The following LGSN variants were observed in gnomAD, a reference collection of about 807,000 sequenced individuals.
LGSN encodes lengsin, lens protein with glutamine synthetase domain.
In LGSN, 21 loss-of-function variants were observed where a neutral mutation model predicts 19.5. That is an observed-to-expected ratio of 1.07 (90% CI 0.76 to 1.55). LGSN has a LOEUF of 1.55. LGSN is among the 40% of genes most tolerant of loss of function. LGSN has a pLI of 0.00. For synonymous variants in LGSN, 257 were observed against 215.6 expected (o/e 1.19, Z -1.68); for missense variants, 673 against 608.5 (o/e 1.11, Z -1.12).
the LGSN span, among the ~76,000 whole-genome samples, chr6:63,362,372 G>T: frequency 6.6e-6 from 1 of 152,132 alleles, no homozygotes; most frequent in Non-Finnish European, 1.5e-5. Flanking sequence ...CAGACAGTGG[G>T]TGCAGCCCAC....
chr6:63,403,066 T>C, the LGSN span, among the ~76,000 whole-genome samples: 3 of 150,584 alleles, frequency 2.0e-5, no homozygotes, highest in Non-Finnish European at 4.4e-5. Context: ...TAAATTTATA[T>C]AGAGATAGAT....
chr6:63,495,145 AC>A, the LGSN span, among the ~76,000 whole-genome samples: 1 of 152,174 alleles, frequency 6.6e-6, no homozygotes, highest in Non-Finnish European at 1.5e-5. Context: ...TTTTTCACAT[AC>A]CAGAAGTTCT....
chr6:63,330,346 T>C, the LGSN span, among the ~76,000 whole-genome samples: 1 of 152,198 alleles, frequency 6.6e-6, no homozygotes, highest in East Asian at 1.9e-4. Context: ...ATCTCATTTT[T>C]CCTTTTGGGC....
At chr6:63,567,500 A>G in the LGSN span, among the ~76,000 whole-genome samples, 4 of 152,250 alleles carry the variant, frequency 2.6e-5, no homozygotes, top group African/African-American at 7.2e-5. Context: ...AGGTCTCAAC[A>G]GTGGACTTAA....
chr6:63,455,009 TCTTGAA>T, the LGSN span, among the ~76,000 whole-genome samples: 9 of 149,482 alleles, frequency 6.0e-5, no homozygotes, highest in South Asian at 1.7e-3. Flanking sequence ...GCCAGGCTGG[TCTTGAA>T]CTTGTGACCT....
At chr6:63,499,210 C>G in the LGSN span, among the ~76,000 whole-genome samples, 1 of 152,026 alleles carries the variant, frequency 6.6e-6, no homozygotes, top group Non-Finnish European at 1.5e-5. Context: ...AACACTCAAA[C>G]CTAATCATTT....
chr6:63,339,521 T>A, the LGSN span, among the ~76,000 whole-genome samples: 1 of 152,212 alleles, frequency 6.6e-6, no homozygotes, highest in Non-Finnish European at 1.5e-5. Context: ...TCCATTTGCA[T>A]GGAATATTCT....
At chr6:63,523,444 G>A in the LGSN span, among the ~76,000 whole-genome samples, 3 of 152,234 alleles carry the variant, frequency 2.0e-5, no homozygotes, top group South Asian at 6.2e-4. Context: ...TTGAACCCGG[G>A]AGGTTGCAGT....
At chr6:63,432,189 A>AAAGAAAGGGAAAG in the LGSN span, among the ~76,000 whole-genome samples, 1 of 28,914 alleles carries the variant, frequency 3.5e-5, no homozygotes, top group African/African-American at 1.8e-4. Flanking sequence ...GAAAGAAAAG[A>AAAGAAAGGGAAAG]AAAGAAAAGA....
At chr6:63,340,795 A>G in the LGSN span, among the ~76,000 whole-genome samples, 4 of 149,922 alleles carry the variant, frequency 2.7e-5, no homozygotes, top group African/African-American at 9.9e-5. Context: ...TTACAGGACT[A>G]TTATTTTCCT....
chr6:63,368,950 A>G, the LGSN span, among the ~76,000 whole-genome samples: 2 of 152,366 alleles, frequency 1.3e-5, no homozygotes, highest in East Asian at 3.9e-4. Context: ...TCTTAACACA[A>G]TGATGACTAC....
At chr6:63,333,253 A>G in the LGSN span, among the ~76,000 whole-genome samples, 2 of 152,016 alleles carry the variant, frequency 1.3e-5, no homozygotes, top group African/African-American at 4.8e-5. Flanking sequence ...GTTTACAATA[A>G]GAAGTCTCCC....
the LGSN span, among the ~76,000 whole-genome samples, chr6:63,485,760 A>C: frequency 6.6e-6 from 1 of 151,832 alleles, no homozygotes; most frequent in Non-Finnish European, 1.5e-5. Flanking sequence ...ACAGAGTCTC[A>C]CTCTGTCGCC....
chr6:63,523,287 TG>T, the LGSN span, among the ~76,000 whole-genome samples: 1 of 152,068 alleles, frequency 6.6e-6, no homozygotes, highest in African/African-American at 2.4e-5. Context: ...CACAATATGA[TG>T]TCTATAAATG....
chr6:63,534,244 A>G, the LGSN span, among the ~76,000 whole-genome samples: 1 of 152,172 alleles, frequency 6.6e-6, no homozygotes, highest in Non-Finnish European at 1.5e-5. Flanking sequence ...TACTTTGGAC[A>G]TGGTTTAACA....
chr6:63,407,627 G>C, the LGSN span, among the ~76,000 whole-genome samples: 888 of 152,214 alleles, frequency 5.8e-3, 7 homozygotes, highest in African/African-American at 0.02. Context: ...CACAAGACAG[G>C]GATGTCCTCT....
chr6:63,531,409 T>A, the LGSN span, among the ~76,000 whole-genome samples: 3 of 149,300 alleles, frequency 2.0e-5, no homozygotes, highest in Admixed American at 2.0e-4. Flanking sequence ...AGAAAAAACA[T>A]AACAAATTAT....
At chr6:63,343,952 G>A in the LGSN span, among the ~76,000 whole-genome samples, 1 of 152,084 alleles carries the variant, frequency 6.6e-6, no homozygotes, top group African/African-American at 2.4e-5. Context: ...GAAGCTGAGG[G>A]CAGCCCCCAG....
chr6:63,510,309 G>A, the LGSN span, among the ~76,000 whole-genome samples: 1 of 152,088 alleles, frequency 6.6e-6, no homozygotes, highest in African/African-American at 2.4e-5. Flanking sequence ...CCCACTCTGT[G>A]CTGTGTAGAC....
Sources: gnomAD v4.1 joint callset for allele counts (sites outside exome capture counted in the v4.1 genomes callset) on GRCh38, gnomAD v4.1.1 for gene constraint, MANE v1.5 for transcripts, NCBI Gene and HGNC (gene_info 2026-07-23, HGNC 2026-07-21) for gene names.